Variants in MDGA2 observed in about 807,000 individuals in gnomAD.
MDGA2 encodes MAM domain-containing glycosylphosphatidylinositol anchor protein 2.
In MDGA2, 40 loss-of-function variants were observed where a neutral mutation model predicts 117.8. The observed-to-expected ratio is 0.34, with a 90% confidence interval of 0.26 to 0.44. MDGA2 has a LOEUF of 0.44. MDGA2 is among the 20% of genes least tolerant of loss of function. MDGA2 has a pLI of 1.00. For synonymous variants in MDGA2, 452 were observed against 439.0 expected, an observed-to-expected ratio of 1.03 and a Z score of -0.37; for missense variants, 1,123 against 1,250.6, an observed-to-expected ratio of 0.90 and a Z score of 1.54.
intron 1 of MDGA2, among the ~76,000 whole-genome samples, chr14:47,458,476 G>T (rs528491513): frequency 6.6e-6 from 1 of 152,230 alleles, no homozygotes; most frequent in South Asian, 2.1e-4. Context: ...AGAGCAGAGG[G>T]TAAACTGGTG....
At chr14:47,183,926 T>C (rs1005484689) in intron 3 of MDGA2, among the ~76,000 whole-genome samples, 3 of 152,000 alleles carry the variant, frequency 2.0e-5, no homozygotes, top group Non-Finnish European at 2.9e-5. Context: ...AACTCTGACA[T>C]AGTTCTTGAG....
chr14:47,527,283 A>G (rs1409614679), intron 1 of MDGA2, among the ~76,000 whole-genome samples: 1 of 152,266 alleles, frequency 6.6e-6, no homozygotes, highest in Admixed American at 6.5e-5. Context: ...AAATAAAACT[A>G]TAAAAAGAAA....
intron 1 of MDGA2, among the ~76,000 whole-genome samples, chr14:47,580,921 A>G (rs538778139): frequency 6.6e-6 from 1 of 152,126 alleles, no homozygotes; most frequent in African/African-American, 2.4e-5. Context: ...GGCTTACCAG[A>G]TTTCTCTAAC....
At position 47,218,090 on chromosome 14, in the gene MDGA2, G is replaced by T. The variant is rs1021338953; in HGVS notation, c.526C>A (p.Arg176=). ...CCATTCTCTGCTTTACAGTAATACC[G>T]GCCTCCTTGGTGTCGCTGAATATTT... ...ITNIQRHQGG[R]YYCKAENGLG... The change falls in exon 3 of 17, where the codon CGG becomes AGG. Residue 176 remains arginine (R), a synonymous_variant. Coordinates refer to ENST00000399232, the MANE Select transcript of MDGA2 (RefSeq NM_001113498.3). The T allele has an allele frequency of 6.4e-7, 1 of 1,551,002 alleles. No individual in the cohort carries two copies. The highest frequency in any genetic ancestry group is 8.7e-7 in the Non-Finnish European group (1 of 1,146,652).
chr14:47,074,122 TA>T (rs1452767276), intron 6 of MDGA2, among the ~76,000 whole-genome samples: 1 of 134,486 alleles, frequency 7.4e-6, no homozygotes, highest in Non-Finnish European at 1.6e-5. Flanking sequence ...TTAATTTAAT[TA>T]ATCATTAATT....
intron 1 of MDGA2, among the ~76,000 whole-genome samples, chr14:47,389,176 A>T (rs1251522302): frequency 7.0e-6 from 1 of 143,288 alleles, no homozygotes; most frequent in African/African-American, 3.0e-5. Context: ...GCACAGTACT[A>T]GCAAATAGCT....
At chr14:47,461,853 G>C (rs569064948) in intron 1 of MDGA2, among the ~76,000 whole-genome samples, 4 of 152,178 alleles carry the variant, frequency 2.6e-5, no homozygotes, top group East Asian at 1.9e-4. Context: ...CACTTTGAAA[G>C]GATCGAAACA....
At chr14:47,058,580 C>T in intron 7 of MDGA2, 1 of 984,930 alleles carries the variant, frequency 1.0e-6, no homozygotes, top group Non-Finnish European at 1.2e-6. Flanking sequence ...TAGAATACAC[C>T]TATTTTCATA....
chr14:46,988,008 T>C (rs1440381245), intron 8 of MDGA2, among the ~76,000 whole-genome samples: 1 of 151,790 alleles, frequency 6.6e-6, no homozygotes, highest in Non-Finnish European at 1.5e-5. Flanking sequence ...GAGTATAGTA[T>C]GTTATGGTGA....
chr14:47,126,334 CAATA>C (rs150266643), intron 5 of MDGA2, among the ~76,000 whole-genome samples: 8,134 of 151,962 alleles, frequency 0.054, 327 homozygotes, highest in Admixed American at 0.15. Context: ...GGGTGCATGA[CAATA>C]AATAAATAAA....
chr14:47,132,211 C>A (rs1024732248), intron 4 of MDGA2, among the ~76,000 whole-genome samples: 1 of 151,796 alleles, frequency 6.6e-6, no homozygotes, highest in Non-Finnish European at 1.5e-5. Flanking sequence ...TAATGGAGTG[C>A]ATTCAACAAA....
At chr14:47,638,131 G>A (rs891986691) in intron 1 of MDGA2, among the ~76,000 whole-genome samples, 1 of 152,158 alleles carries the variant, frequency 6.6e-6, no homozygotes, top group Non-Finnish European at 1.5e-5. Flanking sequence ...TAGAAAAGGG[G>A]TCCATGCTAA....
intron 8 of MDGA2, among the ~76,000 whole-genome samples, chr14:47,015,095 GA>G (rs1888035215): frequency 6.6e-6 from 1 of 152,114 alleles, no homozygotes; most frequent in Non-Finnish European, 1.5e-5. Context: ...GAGGAAGAAA[GA>G]CATGAGAACA....
chr14:47,395,544 T>C lies in MDGA2; in HGVS notation c.281-93994A>G, dbSNP rs774721348. Among the ~76,000 whole-genome samples, 7 of 152,152 alleles carry C rather than the reference T, an allele frequency of 4.6e-5. 1 individual carries two copies. The highest frequency in any genetic ancestry group is 1.0e-4 in the Non-Finnish European group (7 of 68,014). ...ATGTTTTTTAAATAATTTACTAAAG[T>C]AAATACCTAGTGATTGGAAAATGAT... On this transcript the variant is annotated intron_variant, in intron 1 of 16. Transcript: ENST00000399232.
chr14:47,205,715 C>A (rs1885658769), intron 3 of MDGA2, among the ~76,000 whole-genome samples: 1 of 151,892 alleles, frequency 6.6e-6, no homozygotes. Flanking sequence ...TTGTTAAATT[C>A]ACAATTTTGC....
At chr14:47,329,410 C>G (rs943287366) in intron 1 of MDGA2, among the ~76,000 whole-genome samples, 1 of 152,040 alleles carries the variant, frequency 6.6e-6, no homozygotes, top group African/African-American at 2.4e-5. Context: ...GGGTATCACT[C>G]TAATAGGGAG....
chr14:46,910,403 CT>C (rs1192096390), intron 10 of MDGA2, among the ~76,000 whole-genome samples: 1 of 152,140 alleles, frequency 6.6e-6, no homozygotes, highest in South Asian at 2.1e-4. Flanking sequence ...TGATTTTTCT[CT>C]TTTGACTCTT....
rs992473662 is a variant in MDGA2 at position 47,298,747 on chromosome 14, C to T, written c.420+2664G>A. Among the ~76,000 whole-genome samples, 6 of 148,422 alleles carry T rather than the reference C, an allele frequency of 4.0e-5. 1 individual carries two copies. Among genetic ancestry groups the T allele is most frequent in the South Asian group, 4.3e-4 (2 of 4,652 alleles). ...TCGCCCAGGCTGGAGTGCAGTGGCA[C>T]GATCTCGGCTCACTGCAAGCTCCGC... On this transcript the variant is annotated intron_variant, in intron 2 of 16. Coordinates refer to ENST00000399232, the MANE Select transcript of MDGA2 (RefSeq NM_001113498.3).
At chr14:47,198,306 C>T (rs916226789) in intron 3 of MDGA2, among the ~76,000 whole-genome samples, 1 of 152,150 alleles carries the variant, frequency 6.6e-6, no homozygotes, top group Non-Finnish European at 1.5e-5. Flanking sequence ...GACATGGTGG[C>T]TCACGCCTGT....
Sources: gnomAD v4.1 joint callset for allele counts (sites outside exome capture counted in the v4.1 genomes callset) on GRCh38, gnomAD v4.1.1 for gene constraint, MANE v1.5 for transcripts, NCBI Gene and HGNC (gene_info 2026-07-23, HGNC 2026-07-21) for gene names.